PANK3: variants seen among roughly 807,000 people sequenced by gnomAD.
PANK3 encodes pantothenate kinase 3.
Under a neutral mutation model 39.4 loss-of-function variants are expected in PANK3, and 20 were observed. That is an observed-to-expected ratio of 0.51 (90% confidence interval 0.36 to 0.74). The LOEUF is 0.74. PANK3 is among the 30% of genes least tolerant of loss of function. The pLI is 0.00. For missense variants in PANK3, 265 were observed against 437.0 expected (o/e 0.61, Z 3.51); for synonymous variants, 140 against 157.3 (o/e 0.89, Z 0.82).
chr5:168,564,257 A>G (rs1277829351), intron 3 of PANK3, among the ~76,000 whole-genome samples, 192 bp from the exon 4 acceptor site: 2 of 151,956 alleles, frequency 1.3e-5, no homozygotes, highest in African/African-American at 4.9e-5. Context: ...ATCAAAGAAT[A>G]AACCAAAGAA....
chr5:168,553,397 T>C lies in PANK3; in HGVS notation c.*4174A>G, dbSNP rs1213806655. 6.3e-6 allele frequency: 3 copies of C among 474,684 alleles called. No homozygotes were observed. The highest frequency in any genetic ancestry group is 2.4e-5 in the Admixed American group (1 of 42,318). 29.4% of individuals were successfully genotyped at this position (474,684 alleles called of 1,614,324 possible). On this transcript the variant is annotated 3_prime_UTR_variant, in exon 7 of 7. Coordinates refer to ENST00000239231, the MANE Select transcript of PANK3 (RefSeq NM_024594.4). ...AACTCAGCTTGTCTGCAGAATCCCA[T>C]AAGGCAACCAGTAATAGCCAACAAA...
intron 5 of PANK3, chr5:168,560,936 T>C (rs1230188403): frequency 3.8e-6 from 2 of 520,958 alleles, no homozygotes; most frequent in Non-Finnish European, 4.0e-6. Flanking sequence ...TTGATCCATA[T>C]GCAACAAGGC....
chr5:168,577,976 A>G (rs1415917445), intron 1 of PANK3, among the ~76,000 whole-genome samples: 2 of 152,218 alleles, frequency 1.3e-5, no homozygotes, highest in Non-Finnish European at 2.9e-5. Flanking sequence ...TCACATCACT[A>G]TTTTATAGAT....
At chr5:168,577,355 A>G (rs1759746258) in intron 1 of PANK3, among the ~76,000 whole-genome samples, 1 of 152,226 alleles carries the variant, frequency 6.6e-6, no homozygotes, top group Non-Finnish European at 1.5e-5. Context: ...TTCAATTTTA[A>G]GATTAATGGT....
chr5:168,570,530 C>T (rs988406683), intron 1 of PANK3, among the ~76,000 whole-genome samples: 13 of 151,764 alleles, frequency 8.6e-5, no homozygotes, highest in African/African-American at 1.7e-4. Context: ...ACATTAAGAA[C>T]GAGATACACA....
chr5:168,561,253 C>T (rs1349911151), intron 5 of PANK3, 140 bp downstream of exon 5: 3 of 617,018 alleles, frequency 4.9e-6, no homozygotes, highest in Admixed American at 3.2e-5. Context: ...ACATATATAC[C>T]TAATGAGTCT....
At chr5:168,570,107 G>A (rs1306380176) in intron 1 of PANK3, among the ~76,000 whole-genome samples, 1 of 152,130 alleles carries the variant, frequency 6.6e-6, no homozygotes, top group Non-Finnish European at 1.5e-5. Flanking sequence ...TCCAGGCCGG[G>A]CGCGGTGGCT....
intron 1 of PANK3, among the ~76,000 whole-genome samples, chr5:168,576,173 G>A (rs1759727683): frequency 6.6e-6 from 1 of 152,180 alleles, no homozygotes; most frequent in African/African-American, 2.4e-5. Flanking sequence ...TCTACTGGGA[G>A]TGATGACTCA....
At chr5:168,568,190 T>C (rs949656194) in intron 2 of PANK3, among the ~76,000 whole-genome samples, 1 of 152,136 alleles carries the variant, frequency 6.6e-6, no homozygotes, top group African/African-American at 2.4e-5. Flanking sequence ...GGGTAACAGA[T>C]TTTCATTCAG....
rs1184884792 is a variant in PANK3 at position 168,569,022 on chromosome 5, A to T, written c.29-24T>A. ...AGCTATGGGAGGAAAAAAAAAAAAA[A>T]AAAAAAAAATATATATATATATATA... On this transcript the variant is annotated intron_variant, in intron 1 of 6. Transcript: ENST00000239231. 1.4e-4 allele frequency: 50 copies of T among 361,132 alleles called. No individual in the cohort carries two copies. The African/African-American group carries it at 1.5e-3, about 11-fold the overall frequency. 22.4% of individuals were successfully genotyped at this position (361,132 alleles called of 1,614,324 possible). A position where few individuals can be genotyped will look rare whatever the true frequency, so the allele number is the denominator to read the frequency against.
chr5:168,570,274 A>G (rs1309599437), intron 1 of PANK3, among the ~76,000 whole-genome samples: 1 of 150,104 alleles, frequency 6.7e-6, no homozygotes, highest in Admixed American at 6.7e-5. Flanking sequence ...AGTCCCAGCT[A>G]CTCTGGAGGC....
chr5:168,574,002 G>C (rs1449106663), intron 1 of PANK3, among the ~76,000 whole-genome samples: 1 of 151,776 alleles, frequency 6.6e-6, no homozygotes, highest in Admixed American at 6.6e-5. Flanking sequence ...CTTTATAGCA[G>C]CATGATTTAT....
rs2113110859 is a variant in PANK3, at chr5:168,561,480, A to G, written c.849T>C (p.Ser283=). ...CTCTTGCCAGATCTTCTTTACTAAC[A>G]GATTCTCGCTTCTCCTTATAAATCA... is the stretch of plus-strand genomic sequence containing the variant. ...GNMIYKEKRE[S]VSKEDLARAT... is the part of the protein sequence containing the mutation. Residue 283 remains serine, a synonymous_variant, in exon 5 of 7, where the codon TCT becomes TCC. Transcript: ENST00000239231. The G allele has an allele frequency of 1.3e-6, 2 of 1,595,762 alleles. No homozygotes were observed. Among genetic ancestry groups the G allele is most frequent in the Non-Finnish European group, 1.7e-6 (2 of 1,170,870 alleles).
chr5:168,567,017 TAC>T (rs1332736723), intron 2 of PANK3, among the ~76,000 whole-genome samples: 1 of 152,220 alleles, frequency 6.6e-6, no homozygotes, highest in African/African-American at 2.4e-5. Context: ...GTGCTGGAAT[TAC>T]AGGCGTGAGC....
chr5:168,562,734 A>G (rs1479833619), intron 4 of PANK3, among the ~76,000 whole-genome samples: 1 of 152,238 alleles, frequency 6.6e-6, no homozygotes, highest in Admixed American at 6.5e-5. Flanking sequence ...TTCAACAGCA[A>G]GACTTACTAT....
At chr5:168,576,109 T>C (rs374668182) in intron 1 of PANK3, among the ~76,000 whole-genome samples, 1 of 152,224 alleles carries the variant, frequency 6.6e-6, no homozygotes, top group Admixed American at 6.5e-5. Flanking sequence ...GTTTTTTCTT[T>C]AGTAAATTAG....
chr5:168,570,296 A>G (rs1219201801), intron 1 of PANK3, among the ~76,000 whole-genome samples: 1 of 151,702 alleles, frequency 6.6e-6, no homozygotes, highest in African/African-American at 2.4e-5. Context: ...GAGGCAGGAG[A>G]ATGGCGTGAA....
At chr5:168,575,716 G>A (rs1759719824) in intron 1 of PANK3, among the ~76,000 whole-genome samples, 1 of 152,094 alleles carries the variant, frequency 6.6e-6, no homozygotes, top group African/African-American at 2.4e-5. Flanking sequence ...AGCCTGGCAT[G>A]CCAAGGTTGC....
chr5:168,579,286 C>G lies in PANK3; in HGVS notation c.-3G>C. 1 of 1,491,216 alleles carries G rather than the reference C, an allele frequency of 6.7e-7. No homozygotes were observed. The highest frequency in any genetic ancestry group is 9.0e-7 in the Non-Finnish European group (1 of 1,116,322). 92.4% of individuals were successfully genotyped at this position (1,491,216 alleles called of 1,614,324 possible). On this transcript the variant is annotated 5_prime_UTR_variant, in exon 1 of 7. Coordinates refer to ENST00000239231, the MANE Select transcript of PANK3 (RefSeq NM_024594.4). ...TTCTTGGCATCTTTGATCTTCATGG[C>G]GTCGGCCCGAGGGGCGATGGACGGC...
Sources: allele counts gnomAD v4.1 joint callset (sites outside exome capture counted in the v4.1 genomes callset), GRCh38; gene constraint gnomAD v4.1.1; transcripts MANE v1.5; gene names NCBI Gene and HGNC (gene_info 2026-07-23, HGNC 2026-07-21).